The following MEGF6 variants were observed in gnomAD, a reference collection of about 807,000 sequenced individuals.
The protein encoded by MEGF6 is multiple epidermal growth factor-like domains protein 6.
Under a neutral mutation model 207.1 loss-of-function variants are expected in MEGF6, and 184 were observed. The ratio of observed to expected loss-of-function variants is 0.89; its 90% CI spans 0.79 to 1.00. The LOEUF (loss-of-function observed/expected upper bound fraction) is 1.00. Ranked by LOEUF, MEGF6 falls within the 50% of genes least tolerant of loss-of-function variation. The pLI, the probability that MEGF6 is intolerant of heterozygous loss-of-function variation, is 0.00. For missense variants in MEGF6, 2,282 were observed against 2,202.9 expected, an observed-to-expected ratio of 1.04 and a Z score of -0.72; for synonymous variants, 1,038 against 910.0, an observed-to-expected ratio of 1.14 and a Z score of -2.53.
intron 5 of MEGF6, among the ~76,000 whole-genome samples, chr1:3,517,503 C>A (rs1220554493): frequency 6.6e-6 from 1 of 152,244 alleles, no homozygotes; most frequent in Middle Eastern, 3.2e-3. Flanking sequence ...TCGCATATAT[C>A]CTGTGCCACG....
intron 4 of MEGF6, among the ~76,000 whole-genome samples, chr1:3,545,000 G>T (rs1181423715): frequency 6.6e-6 from 1 of 152,194 alleles, no homozygotes; most frequent in Non-Finnish European, 1.5e-5. Flanking sequence ...CACTTTAAAG[G>T]GGGGCATATA....
chr1:3,512,134 G>A lies in MEGF6; in HGVS notation c.854-6C>T. 2 of 1,600,352 alleles carry A rather than the reference G, an allele frequency of 1.2e-6. No homozygotes were observed. Among genetic ancestry groups the A allele is most frequent in the South Asian group, 1.1e-5 (1 of 90,150 alleles). On this transcript the variant is annotated splice_polypyrimidine_tract_variant and splice_region_variant and intron_variant, in intron 7 of 36. Coordinates refer to ENST00000356575, the MANE Select transcript of MEGF6 (RefSeq NM_001409.4). Reference sequence around the variant, plus strand: ...TGCGGCACATTCGTCCACATCTGGAGGGGAGAGACCACAGGGAGGGCTCAG... The same window carrying A: ...TGCGGCACATTCGTCCACATCTGGAAGGGAGAGACCACAGGGAGGGCTCAG...
At chr1:3,621,176 G>A in the MEGF6 span, among the ~76,000 whole-genome samples, 2 of 152,348 alleles carry the variant, frequency 1.3e-5, no homozygotes, top group Non-Finnish European at 2.9e-5. Context: ...AGGTGGAGGA[G>A]TAGAGTCTTC....
intron 4 of MEGF6, among the ~76,000 whole-genome samples, chr1:3,527,016 A>G (rs985832026): frequency 2.6e-5 from 4 of 152,188 alleles, no homozygotes; most frequent in Admixed American, 2.6e-4. Flanking sequence ...TGTGGGAAAC[A>G]TGGCTGGCCT....
rs1227348022 is a variant in MEGF6 at position 3,556,501 on chromosome 1, G to A, written c.481+23324C>T. Among the ~76,000 whole-genome samples the A allele has an allele frequency of 6.6e-6, 1 of 152,152 alleles. No homozygotes were observed. The highest frequency in any genetic ancestry group is 2.4e-5 in the African/African-American group (1 of 41,426). Reference sequence around the variant, plus strand: ...CAAGAGACGCCCTGGGCCTCCTCTCGGCCGCCCACCAGGTTTTCTGCCTGC... The same window carrying A: ...CAAGAGACGCCCTGGGCCTCCTCTCAGCCGCCCACCAGGTTTTCTGCCTGC... On this transcript the variant is annotated intron_variant, in intron 4 of 36. Coordinates refer to ENST00000356575, the MANE Select transcript of MEGF6 (RefSeq NM_001409.4). This position sits in a 1 kb window ranked among gnomAD's most constrained non-coding sequence, Gnocchi z 4.4.
In MEGF6 at chr1:3,507,901, C is replaced by T. The variant is rs1164666586; in HGVS notation, c.1683G>A (p.Gly561=). ...CNETCPPDTF[G]KNCSFSCSCQ... is the part of the protein sequence containing the mutation. ...AGCTGCAGGAGAAGCTGCAGTTCTT[C>T]CCAAAGGTGTCCGGAGGACAAGCTA... is the stretch of plus-strand genomic sequence containing the variant. The change falls in exon 14 of 37, where the codon GGG becomes GGA. Residue 561 remains glycine, a synonymous_variant. Coordinates refer to ENST00000356575, the MANE Select transcript of MEGF6 (RefSeq NM_001409.4). 6.2e-7 allele frequency: 1 copy of T among 1,612,444 alleles called. No individual in the cohort carries two copies. Among genetic ancestry groups the T allele is most frequent in the Non-Finnish European group, 8.5e-7 (1 of 1,179,638 alleles).
intron 2 of MEGF6, among the ~76,000 whole-genome samples, chr1:3,596,692 C>G (rs1408888200): frequency 2.0e-5 from 3 of 146,616 alleles, no homozygotes; most frequent in Non-Finnish European, 4.5e-5. Context: ...CTGTCTCCAC[C>G]CCAGGGCACC....
chr1:3,499,622 G>A lies in MEGF6; in HGVS notation c.2931C>T (p.Cys977=), dbSNP rs1275140152. The A allele has an allele frequency of 1.8e-5, 28 of 1,589,002 alleles. No individual in the cohort carries two copies. The highest frequency in any genetic ancestry group is 2.3e-5 in the Non-Finnish European group (27 of 1,168,818). ...ACDAVNGSCL[C]PAGRRGPRCA... ...AGCGGGGGCCCCGGCGGCCAGCGGG[G>A]CAGAGGCAGGAGCCATTCACGGCAT... Residue 977 remains cysteine, a synonymous_variant, in exon 23 of 37, where the codon TGC becomes TGT. Coordinates refer to ENST00000356575, the MANE Select transcript of MEGF6 (RefSeq NM_001409.4).
intron 4 of MEGF6, among the ~76,000 whole-genome samples, chr1:3,568,625 C>T (rs1643415535): frequency 6.6e-6 from 1 of 152,150 alleles, no homozygotes; most frequent in East Asian, 1.9e-4. Flanking sequence ...CTGGCCCCTT[C>T]GAGCCACCTC....
Position 3,573,796 on chromosome 1 carries a change from G to C in MEGF6, c.481+6029C>G, listed in dbSNP as rs541413800. Reference sequence around the variant, plus strand: ...AGAGCAGCCCTGGGTGGCGTCTGGAGCTCGGGCGAGGGGTCAGACTCCCAC... The same window carrying C: ...AGAGCAGCCCTGGGTGGCGTCTGGACCTCGGGCGAGGGGTCAGACTCCCAC... On this transcript the variant is annotated intron_variant, in intron 4 of 36. Transcript: ENST00000356575. The surrounding 1 kb of genome is among the most constrained non-coding windows in gnomAD (Gnocchi z 5.1). 6.6e-6 allele frequency among the ~76,000 whole-genome samples: 1 copy of C among 152,326 alleles called. No homozygotes were observed. Among genetic ancestry groups the C allele is most frequent in the South Asian group, 2.1e-4 (1 of 4,828 alleles).
rs116985856 is a variant in MEGF6, at chr1:3,600,634, G to A, written c.266+1832C>T. Among the ~76,000 whole-genome samples the A allele has an allele frequency of 2.5e-3, 380 of 152,294 alleles. 3 individuals carry two copies. The highest frequency in any genetic ancestry group is 0.013 in the East Asian group (68 of 5,176). On this transcript the variant is annotated intron_variant, in intron 2 of 36. Coordinates refer to ENST00000356575, the MANE Select transcript of MEGF6 (RefSeq NM_001409.4). ...ACCTGGCATCTGAGGAGACTCCCCC[G>A]AGGCTGCACAGCTGGATTCAGCCTC...
Position 3,495,081 on chromosome 1 carries a change from G to C in MEGF6, c.3872-340C>G, listed in dbSNP as rs527782810. ...TGTGAACCAGCTGTCTCCCGCTTGG[G>C]AGTGAAGGCACATCCTTCAGGCCTG... On this transcript the variant is annotated intron_variant, in intron 30 of 36. Coordinates refer to ENST00000356575, the MANE Select transcript of MEGF6 (RefSeq NM_001409.4). Among the ~76,000 whole-genome samples, 4 of 152,326 alleles carry C rather than the reference G, an allele frequency of 2.6e-5. No individual in the cohort carries two copies. In the East Asian group the frequency reaches 7.7e-4, roughly 29 times the overall value.
chr1:3,512,096 A>G lies in MEGF6; in HGVS notation c.886T>C (p.Cys296Arg). The G allele has an allele frequency of 1.2e-6, 2 of 1,611,364 alleles. No individual in the cohort carries two copies. The highest frequency in any genetic ancestry group is 1.7e-6 in the Non-Finnish European group (2 of 1,178,912). ...VDECAAGLAQ[C>R]AHGCLNTQGS... ...TGGGTGTTGAGGCAGCCATGGGCAC[A>G]CTGGGCCAGCCCTGCGGCACATTCG... is the stretch of plus-strand genomic sequence containing the variant. The change falls in exon 8 of 37, where the codon TGT becomes CGT. Residue 296 changes from cysteine to arginine, a missense_variant. Cys to Arg is a radical substitution (Grantham distance 180). Coordinates refer to ENST00000356575, the MANE Select transcript of MEGF6 (RefSeq NM_001409.4).
chr1:3,492,110 C>T lies in MEGF6; in HGVS notation c.4516+529G>A, dbSNP rs1019929091. On this transcript the variant is annotated intron_variant, in intron 35 of 36. Coordinates refer to ENST00000356575, the MANE Select transcript of MEGF6 (RefSeq NM_001409.4). ...CTGGCACGCACAGGTGCCTGCTGCC[C>T]GTGCAGGACTGCGTGCGTGGACTGG... Among the ~76,000 whole-genome samples the T allele has an allele frequency of 3.3e-5, 5 of 151,860 alleles. 1 individual carries two copies. The South Asian group carries it at 6.3e-4, about 19-fold the overall frequency.
chr1:3,590,302 G>C (rs932889036), intron 3 of MEGF6, among the ~76,000 whole-genome samples: 3 of 152,336 alleles, frequency 2.0e-5, no homozygotes, highest in African/African-American at 7.2e-5. Flanking sequence ...CAGGACCAGG[G>C]AGACTCCGGC....
intron 1 of MEGF6, among the ~76,000 whole-genome samples, chr1:3,608,463 C>G (rs1433836083): frequency 6.6e-6 from 1 of 151,974 alleles, no homozygotes; most frequent in Non-Finnish European, 1.5e-5. Context: ...GCCCTTGGAG[C>G]CCATGGCCCC....
intron 4 of MEGF6, among the ~76,000 whole-genome samples, chr1:3,539,619 C>T (rs1373404933): frequency 6.6e-6 from 1 of 152,210 alleles, no homozygotes; most frequent in Non-Finnish European, 1.5e-5. Context: ...CCAACCTCCT[C>T]ATGAGTAGCC....
rs72853584 is a variant in MEGF6 at position 3,562,255 on chromosome 1, T to C, written c.481+17570A>G. On this transcript the variant is annotated intron_variant, in intron 4 of 36. Coordinates refer to ENST00000356575, the MANE Select transcript of MEGF6 (RefSeq NM_001409.4). ...ATCTTTTTCTATCTCTCTATGTCTC[T>C]TTGTCTCTGTCTTTTTCTCTGTCTC... Among the ~76,000 whole-genome samples the C allele has an allele frequency of 1.9e-3, 286 of 152,354 alleles. 1 individual carries two copies. The highest frequency in any genetic ancestry group is 6.4e-3 in the African/African-American group (267 of 41,568).
At chr1:3,587,799 G>A (rs1033418452) in intron 3 of MEGF6, among the ~76,000 whole-genome samples, 1 of 151,680 alleles carries the variant, frequency 6.6e-6, no homozygotes, top group Non-Finnish European at 1.5e-5. Context: ...TCCTGAGAAT[G>A]TGTTTGTCCT....
Sources: allele counts gnomAD v4.1 joint callset (sites outside exome capture counted in the v4.1 genomes callset), GRCh38; gene constraint gnomAD v4.1.1; non-coding constraint Gnocchi (gnomAD v3.1); transcripts MANE v1.5; gene names NCBI Gene and HGNC (gene_info 2026-07-23, HGNC 2026-07-21).